NR6A1: variants seen among roughly 807,000 people sequenced by gnomAD.
The protein encoded by NR6A1 is nuclear receptor subfamily 6 group A member 1.
A neutral mutation model predicts 59.1 loss-of-function variants in NR6A1; 7 were observed. That is an observed-to-expected ratio of 0.12 (90% CI 0.07 to 0.22). The LOEUF is 0.22. Ranked by LOEUF, NR6A1 falls within the 10% of genes least tolerant of loss-of-function variation. The pLI, the probability that NR6A1 is intolerant of heterozygous loss-of-function variation, is 1.00. For synonymous variants in NR6A1, 243 were observed against 236.1 expected, an observed-to-expected ratio of 1.03 and a Z score of -0.27; for missense variants, 468 against 611.6, an observed-to-expected ratio of 0.77 and a Z score of 2.48.
chr9:124,687,553 G>A (rs1838375601), intron 2 of NR6A1, among the ~76,000 whole-genome samples: 1 of 152,088 alleles, frequency 6.6e-6, no homozygotes, highest in Non-Finnish European at 1.5e-5. Flanking sequence ...TAAAACCTTA[G>A]GCAGACTAAA....
intron 2 of NR6A1, among the ~76,000 whole-genome samples, chr9:124,630,210 GTTTTT>G (rs71372979): frequency 2.1e-5 from 2 of 95,356 alleles, no homozygotes; most frequent in South Asian, 3.7e-4. Flanking sequence ...CTCCAAATCA[GTTTTT>G]TTTTTTTTTT....
intron 2 of NR6A1, among the ~76,000 whole-genome samples, chr9:124,725,068 T>TA (rs1275594238): frequency 6.6e-6 from 1 of 152,314 alleles, no homozygotes; most frequent in South Asian, 2.1e-4. Context: ...CGGTCCTTGT[T>TA]CTCTTGAGTT....
chr9:124,705,724 T>A (rs1439696347), intron 2 of NR6A1, among the ~76,000 whole-genome samples: 1 of 152,188 alleles, frequency 6.6e-6, no homozygotes, highest in Admixed American at 6.5e-5. Flanking sequence ...TAACCTCTGC[T>A]TCTATTGTAT....
Position 124,631,857 on chromosome 9 carries a change from C to T in NR6A1, c.143-77287G>A, listed in dbSNP as rs570747018. Among the ~76,000 whole-genome samples the T allele has an allele frequency of 5.9e-4, 90 of 152,296 alleles. 1 individual carries two copies. In the South Asian group the frequency reaches 0.018, roughly 31 times the overall value. ...TGGTAAGCCCCAGTATGTGTTGTTC[C>T]CCTCTATGTGGCCGTGTGTTCTCAT... On this transcript the variant is annotated intron_variant, in intron 2 of 9. Coordinates refer to ENST00000487099, the MANE Select transcript of NR6A1 (RefSeq NM_033334.4).
chr9:124,556,460 A>ATTTTTTT, intron 2 of NR6A1, among the ~76,000 whole-genome samples: 1 of 138,170 alleles, frequency 7.2e-6, no homozygotes, highest in South Asian at 2.3e-4. Context: ...AGGGATACTG[A>ATTTTTTT]TTTTTTTTTT....
chr9:124,601,289 A>G (rs1485048934), intron 2 of NR6A1, among the ~76,000 whole-genome samples: 2 of 151,204 alleles, frequency 1.3e-5, no homozygotes, highest in Non-Finnish European at 3.0e-5. Context: ...ACAAATAAAC[A>G]AACAAAAAAG....
In NR6A1 at chr9:124,599,024, C is replaced by T. The variant is rs112031699; in HGVS notation, c.143-44454G>A. ...ACAAATCTTCAGGGTCTTGTCCCTC[C>T]TCATGAGGAGGCGGGTGGTCCCCTT... On this transcript the variant is annotated intron_variant, in intron 2 of 9. Transcript: ENST00000487099. The T allele has an allele frequency of 1.4e-3, 1,037 of 742,846 alleles. 5 individuals are homozygous for T. In the African/African-American group the frequency reaches 0.016, roughly 12 times the overall value. 46.0% of individuals were successfully genotyped at this position (742,846 alleles called of 1,614,324 possible). A position where few individuals can be genotyped will look rare whatever the true frequency, so the allele number is the denominator to read the frequency against.
intron 2 of NR6A1, among the ~76,000 whole-genome samples, chr9:124,639,658 C>T (rs1222816628): frequency 6.6e-6 from 1 of 152,160 alleles, no homozygotes; most frequent in Non-Finnish European, 1.5e-5. Context: ...AGAGGACCAA[C>T]AGAGAGCAAC....
At chr9:124,744,091 T>C (rs1298946979) in intron 1 of NR6A1, among the ~76,000 whole-genome samples, 1 of 152,128 alleles carries the variant, frequency 6.6e-6, no homozygotes, top group East Asian at 1.9e-4. Context: ...TCTTTTTCAA[T>C]TAGCTGGGCG....
chr9:124,632,949 C>A (rs1331427053), intron 2 of NR6A1, among the ~76,000 whole-genome samples: 1 of 152,144 alleles, frequency 6.6e-6, no homozygotes, highest in Non-Finnish European at 1.5e-5. Context: ...TGTGTTTCAG[C>A]TACAATGCTC....
chr9:124,579,570 C>A (rs1264117015), intron 2 of NR6A1, among the ~76,000 whole-genome samples: 2 of 151,654 alleles, frequency 1.3e-5, no homozygotes, highest in Non-Finnish European at 1.5e-5. Flanking sequence ...AATAATAAAA[C>A]TACATGTTAG....
chr9:124,664,356 G>C (rs900616346), intron 2 of NR6A1, among the ~76,000 whole-genome samples: 14 of 152,328 alleles, frequency 9.2e-5, no homozygotes, highest in South Asian at 2.1e-4. Flanking sequence ...AACTAGATAT[G>C]ATGTCATATC....
intron 2 of NR6A1, among the ~76,000 whole-genome samples, chr9:124,561,871 C>T (rs188552291): frequency 1.1e-4 from 16 of 152,262 alleles, no homozygotes; most frequent in Admixed American, 3.3e-4. Flanking sequence ...AAGATTGCAC[C>T]ACTGCACTCC....
At chr9:124,637,891 C>A (rs1564212445) in intron 2 of NR6A1, among the ~76,000 whole-genome samples, 1 of 72,210 alleles carries the variant, frequency 1.4e-5, no homozygotes, top group Admixed American at 1.3e-4. Flanking sequence ...GACTCCCTCT[C>A]CAAAAAAAAA....
intron 1 of NR6A1, among the ~76,000 whole-genome samples, chr9:124,749,592 C>T (rs1353852367): frequency 6.6e-6 from 1 of 151,892 alleles, no homozygotes. Context: ...GCTATGTTGC[C>T]CAGGCTGTAG....
At chr9:124,599,652 G>A in intron 2 of NR6A1, 2 of 1,140,954 alleles carry the variant, frequency 1.8e-6, no homozygotes, top group Non-Finnish European at 1.1e-6. Context: ...GCGACTACTC[G>A]TAGCTCCTTC....
At chr9:124,723,515 G>A (rs1439984217) in intron 2 of NR6A1, among the ~76,000 whole-genome samples, 6 of 152,092 alleles carry the variant, frequency 3.9e-5, no homozygotes, top group Non-Finnish European at 5.9e-5. Context: ...CTCTGAACAC[G>A]CCCAATCTCA....
At chr9:124,713,789 G>C (rs1839345532) in intron 2 of NR6A1, among the ~76,000 whole-genome samples, 1 of 152,228 alleles carries the variant, frequency 6.6e-6, no homozygotes, top group Non-Finnish European at 1.5e-5. Context: ...CACTGCTGAT[G>C]AGAACGTAAA....
At chr9:124,661,691 CTAT>C (rs1348660519) in intron 2 of NR6A1, among the ~76,000 whole-genome samples, 2 of 152,186 alleles carry the variant, frequency 1.3e-5, no homozygotes, top group African/African-American at 4.8e-5. Context: ...TCCTCAAATA[CTAT>C]TATTACTCAC....
Sources: allele counts gnomAD v4.1 joint callset (sites outside exome capture counted in the v4.1 genomes callset), GRCh38; gene constraint gnomAD v4.1.1; transcripts MANE v1.5; gene names NCBI Gene and HGNC (gene_info 2026-07-23, HGNC 2026-07-21).